Variants in ARID1B observed in about 807,000 individuals in gnomAD.
ARID1B encodes the protein AT-rich interaction domain 1B.
ARID1B carries 30 observed loss-of-function variants against 212.3 expected under a neutral mutation model. The observed-to-expected ratio is 0.14, with a 90% CI of 0.11 to 0.19. The LOEUF (loss-of-function observed/expected upper bound fraction) is 0.19. Among genes scored for constraint, ARID1B ranks in the 10% least tolerant of loss-of-function variants. The pLI is 1.00. For synonymous variants in ARID1B, 1,402 were observed against 1,301.7 expected (o/e 1.08, Z -1.66); for missense variants, 2,891 against 3,204.0 (o/e 0.90, Z 2.36).
intron 1 of ARID1B, among the ~76,000 whole-genome samples, chr6:156,801,131 G>A (rs1780752954): frequency 6.6e-6 from 1 of 151,556 alleles, no homozygotes; most frequent in South Asian, 2.1e-4. Flanking sequence ...CTGGCTCTTA[G>A]CAAGTGTAGA....
At chr6:157,041,636 C>T (rs1020514189) in intron 4 of ARID1B, among the ~76,000 whole-genome samples, 1 of 152,124 alleles carries the variant, frequency 6.6e-6, no homozygotes, top group Non-Finnish European at 1.5e-5. Flanking sequence ...CTGTTGTTAT[C>T]CCCAGTGTTA....
intron 3 of ARID1B, among the ~76,000 whole-genome samples, chr6:156,922,793 C>T (rs1440893986): frequency 6.6e-6 from 1 of 152,152 alleles, no homozygotes; most frequent in East Asian, 1.9e-4. Context: ...CACAGAGTTG[C>T]TGTATTCTCA....
chr6:156,907,347 CTATTGAGATGATCACTTTGTATG>C (rs1414265549), intron 3 of ARID1B, among the ~76,000 whole-genome samples: 3 of 152,020 alleles, frequency 2.0e-5, no homozygotes, highest in East Asian at 3.9e-4. Flanking sequence ...TTTTTTGAAT[CTATTGAGATGATCACTTTGTATG>C]TATTGAGATG....
At chr6:157,046,323 G>A (rs1391940937) in intron 4 of ARID1B, among the ~76,000 whole-genome samples, 1 of 152,188 alleles carries the variant, frequency 6.6e-6, no homozygotes, top group African/African-American at 2.4e-5. Flanking sequence ...GAAAGGCCTG[G>A]AGTGGCTGAT....
At chr6:156,798,131 T>C (rs764111299) in intron 1 of ARID1B, among the ~76,000 whole-genome samples, 1 of 151,498 alleles carries the variant, frequency 6.6e-6, no homozygotes, top group Non-Finnish European at 1.5e-5. Flanking sequence ...AGGAGCGGGG[T>C]GTTTGATGTG....
chr6:157,201,754 C>T lies in ARID1B; in HGVS notation c.5263+266C>T, dbSNP rs1352155849. Reference sequence around the variant, plus strand: ...GGCCCAGGCGGGTGGATCACGAGGTCACGAGATCGAGACCATCCTGGATAA... The same window carrying T: ...GGCCCAGGCGGGTGGATCACGAGGTTACGAGATCGAGACCATCCTGGATAA... On this transcript the variant is annotated intron_variant, in intron 18 of 19. Coordinates refer to ENST00000636930, the MANE Select transcript of ARID1B (RefSeq NM_001374828.1). This position sits in a 1 kb window ranked among gnomAD's most constrained non-coding sequence, Gnocchi z 5.2. Among the ~76,000 whole-genome samples, 1 of 152,042 alleles carries T rather than the reference C, an allele frequency of 6.6e-6. No homozygotes were observed. The highest frequency in any genetic ancestry group is 1.9e-4 in the East Asian group (1 of 5,186).
At chr6:157,182,877 T>TC (rs1792667098) in intron 12 of ARID1B, among the ~76,000 whole-genome samples, 1 of 152,072 alleles carries the variant, frequency 6.6e-6, no homozygotes. Context: ...CTGACCTTTC[T>TC]CCCCTGCACC....
chr6:157,070,128 T>C (rs878891634), intron 4 of ARID1B, among the ~76,000 whole-genome samples: 1 of 152,194 alleles, frequency 6.6e-6, no homozygotes. Context: ...ACTGATCATT[T>C]TTTTTCTATT....
intron 11 of ARID1B, among the ~76,000 whole-genome samples, chr6:157,180,208 G>A (rs1792404158): frequency 6.6e-6 from 1 of 152,088 alleles, no homozygotes; most frequent in African/African-American, 2.4e-5. Flanking sequence ...TTCAGAAACG[G>A]CAACTCTTGA....
Position 157,094,703 on chromosome 6 carries a change from C to T in ARID1B, c.2491+9798C>T, listed in dbSNP as rs1259098936. On this transcript the variant is annotated intron_variant, in intron 5 of 19. Transcript: ENST00000636930. This position sits in a 1 kb window ranked among gnomAD's most constrained non-coding sequence, Gnocchi z 4.3. The stretch of plus-strand genomic sequence containing the variant: ...TGATCCCTCTGGAAGGTTGGGAAGG[C>T]AGGAAATAGCATAATCCTGTTTAGG... 6.6e-6 allele frequency among the ~76,000 whole-genome samples: 1 copy of T among 152,092 alleles called. No homozygotes were observed. Among genetic ancestry groups the T allele is most frequent in the African/African-American group, 2.4e-5 (1 of 41,412 alleles).
chr6:157,154,568 GT>G (rs770934447), intron 8 of ARID1B, among the ~76,000 whole-genome samples: 12 of 118,510 alleles, frequency 1.0e-4, no homozygotes, highest in South Asian at 2.7e-4. Flanking sequence ...CTGCTCTTCT[GT>G]TTTTTTTTTT....
intron 16 of ARID1B, 98 bp downstream of exon 16, chr6:157,196,413 A>T: frequency 7.1e-7 from 1 of 1,407,372 alleles, no homozygotes; most frequent in East Asian, 2.4e-5. Flanking sequence ...CACTGATGAC[A>T]ATATACAGTG....
chr6:157,096,452 C>G (rs899216634), intron 5 of ARID1B, among the ~76,000 whole-genome samples: 1 of 152,248 alleles, frequency 6.6e-6, no homozygotes, highest in Admixed American at 6.5e-5. Context: ...CTTTTCCCCT[C>G]CCTCCTGAAA....
intron 4 of ARID1B, among the ~76,000 whole-genome samples, chr6:156,974,240 A>C (rs1434849125): frequency 6.6e-6 from 1 of 152,212 alleles, no homozygotes; most frequent in African/African-American, 2.4e-5. Flanking sequence ...GATTTTTAAA[A>C]CACGTAGATT....
chr6:157,076,083 A>G (rs1784286267), intron 4 of ARID1B, among the ~76,000 whole-genome samples: 1 of 152,210 alleles, frequency 6.6e-6, no homozygotes, highest in South Asian at 2.1e-4. Context: ...AACCGGATGA[A>G]GGATGTAAAG....
chr6:156,916,470 A>G (rs1248963856), intron 3 of ARID1B, among the ~76,000 whole-genome samples: 4 of 152,220 alleles, frequency 2.6e-5, no homozygotes, highest in African/African-American at 7.2e-5. Flanking sequence ...CTTTAAAAAA[A>G]GCTATTTGAA....
At position 157,203,622 on chromosome 6, in the gene ARID1B, C is replaced by T. The variant is rs1207868732; in HGVS notation, c.5264-244C>T. The T allele has an allele frequency of 6.1e-6, 3 of 488,604 alleles. No individual in the cohort carries two copies. In the Admixed American group the frequency reaches 1.0e-4, roughly 16 times the overall value. 30.3% of individuals were successfully genotyped at this position (488,604 alleles called of 1,614,324 possible). On this transcript the variant is annotated intron_variant, in intron 18 of 19. Transcript: ENST00000636930. This position sits in a 1 kb window ranked among gnomAD's most constrained non-coding sequence, Gnocchi z 4.4. The stretch of plus-strand genomic sequence containing the variant: ...CATCTGTGCTCAACCACTCCACCTC[C>T]AGAAGCACTTTCGGCCCCTGCGTGA...
Position 157,189,757 on chromosome 6 carries a change from G to C in ARID1B, c.4035G>C (p.Gln1345His), listed in dbSNP as rs748391706. Reference sequence around the variant, plus strand: ...CCCCAGCCTCCACCCCTCACGGCCAGATGACTCCAATGCAAGGTGGAAGGT... The same window carrying C: ...CCCCAGCCTCCACCCCTCACGGCCACATGACTCCAATGCAAGGTGGAAGGT... ...PPTPASTPHG[Q>H]MTPMQGGRSS... The change falls in exon 14 of 20, where the codon CAG becomes CAC. Residue 1345 changes from glutamine to histidine, a missense_variant. By Grantham distance (24) the Gln-to-His change is conservative (BLOSUM62 0). This residue lies in a region of ARID1B where 666 missense variants were observed against 873.5 expected (regional missense o/e 0.76). Transcript: ENST00000636930. 6.2e-7 allele frequency: 1 copy of C among 1,613,916 alleles called. No homozygotes were observed. The highest frequency in any genetic ancestry group is 8.5e-7 in the Non-Finnish European group (1 of 1,179,978).
intron 1 of ARID1B, among the ~76,000 whole-genome samples, chr6:156,826,294 C>T (rs1185326428): frequency 2.0e-5 from 3 of 152,184 alleles, no homozygotes; most frequent in African/African-American, 7.2e-5. Flanking sequence ...CAGGTATTTC[C>T]TATAGGAAGC....
Sources: allele counts gnomAD v4.1 joint callset (sites outside exome capture counted in the v4.1 genomes callset), GRCh38; gene constraint gnomAD v4.1.1; regional missense constraint gnomAD v4.1.1; non-coding constraint Gnocchi (gnomAD v3.1); transcripts MANE v1.5; gene names NCBI Gene and HGNC (gene_info 2026-07-23, HGNC 2026-07-21).